The following AMPD3 variants were observed in gnomAD, a reference collection of about 807,000 sequenced individuals.
AMPD3 encodes the protein AMP deaminase 3.
Under a neutral mutation model 82.3 loss-of-function variants are expected in AMPD3, and 57 were observed. The ratio of observed to expected loss-of-function variants is 0.69; its 90% CI spans 0.56 to 0.86. The LOEUF is 0.86. Ranked by LOEUF, AMPD3 falls within the 40% of genes least tolerant of loss-of-function variation. The probability of loss-of-function intolerance (pLI) is 0.00; values close to 1 mark genes in which losing one functional copy is unlikely to be tolerated. For missense variants in AMPD3, 870 were observed against 1,003.8 expected, an observed-to-expected ratio of 0.87 and a Z score of 1.80; for synonymous variants, 381 against 394.7, an observed-to-expected ratio of 0.97 and a Z score of 0.41.
chr11:10,494,805 G>A, intron 7 of AMPD3, 94 bp from the exon 8 acceptor site: 1 of 1,585,310 alleles, frequency 6.3e-7, no homozygotes, highest in Non-Finnish European at 8.6e-7. Context: ...TTTCGGTGTG[G>A]CCATACAGAA....
intron 6 of AMPD3, 91 bp from the exon 7 acceptor site, chr11:10,493,258 G>A: frequency 6.8e-7 from 1 of 1,468,814 alleles, no homozygotes; most frequent in Non-Finnish European, 9.5e-7. Flanking sequence ...ATGAGGTGCT[G>A]GGGTTCTGTG....
intron 6 of AMPD3, chr11:10,490,672 A>T (rs1356496251): frequency 1.0e-6 from 1 of 984,640 alleles, no homozygotes; most frequent in African/African-American, 1.7e-5. Flanking sequence ...TTCCTCATTT[A>T]TCTTGTGACT....
At chr11:10,478,829 C>G in intron 3 of AMPD3, 99 bp downstream of exon 3, 1 of 1,293,938 alleles carries the variant, frequency 7.7e-7, no homozygotes, top group Non-Finnish European at 1.1e-6. Context: ...TGGCCCTGTC[C>G]GTGGATGTCT....
At chr11:10,499,543 A>T (rs1591484740) in intron 10 of AMPD3, 4 of 482,444 alleles carry the variant, frequency 8.3e-6, no homozygotes, top group African/African-American at 2.1e-5. Context: ...CAACTTTCTT[A>T]ATTGCTTTGG....
chr11:10,504,702 C>A, intron 14 of AMPD3, 43 bp downstream of exon 14: 1 of 1,571,808 alleles, frequency 6.4e-7, no homozygotes, highest in Non-Finnish European at 8.8e-7. Flanking sequence ...CCTGGGAAGG[C>A]TGCCTGCTGT....
intron 1 of AMPD3, among the ~76,000 whole-genome samples, chr11:10,458,254 T>A (rs1290651650): frequency 6.6e-5 from 6 of 91,454 alleles, no homozygotes; most frequent in Admixed American, 2.4e-4. Context: ...ACCTCATCTC[T>A]AAAAAAAAAA....
intron 3 of AMPD3, chr11:10,479,920 C>T (rs1848851720): frequency 1.0e-6 from 1 of 985,404 alleles, no homozygotes; most frequent in Non-Finnish European, 1.2e-6. Flanking sequence ...CAGGCCTTGT[C>T]TGGAGATCAG....
intron 8 of AMPD3, 152 bp from the exon 9 acceptor site, chr11:10,495,418 C>T: frequency 6.6e-7 from 1 of 1,520,462 alleles, no homozygotes; most frequent in Non-Finnish European, 8.8e-7. Flanking sequence ...CAAGAGCTTA[C>T]AGGAGCAGGC....
intron 2 of AMPD3, among the ~76,000 whole-genome samples, chr11:10,468,860 A>G (rs1848499138): frequency 1.3e-5 from 2 of 152,234 alleles, no homozygotes; most frequent in South Asian, 4.1e-4. Context: ...ACACAACTAC[A>G]TGGAAACTGA....
At position 10,494,915 on chromosome 11, in the gene AMPD3, A is replaced by C. The variant is rs1849347771; in HGVS notation, c.1151A>C (p.His384Pro). The C allele has an allele frequency of 6.2e-7, 1 of 1,614,154 alleles. No individual in the cohort carries two copies. Among genetic ancestry groups the C allele is most frequent in the Non-Finnish European group, 8.5e-7 (1 of 1,180,002 alleles). Reference sequence around the variant, plus strand: ...CCCCCTCAGGGCCGGCAGACATTCCACCGCTTTGACAAGTTCAACTCCAAA... The same window carrying C: ...CCCCCTCAGGGCCGGCAGACATTCCCCCGCTTTGACAAGTTCAACTCCAAA... The part of the protein sequence containing the change: ...LDVHAGRQTF[H>P]RFDKFNSKYN... The change falls in exon 8 of 15, where the codon CAC becomes CCC. Residue 384 changes from histidine (H) to proline (P), a missense_variant. His to Pro is a moderately conservative substitution (Grantham distance 77). Coordinates refer to ENST00000396553, the MANE Select transcript of AMPD3 (RefSeq NM_001025389.2).
chr11:10,450,870 G>C, upstream of AMPD3: 2 of 1,220,166 alleles, frequency 1.6e-6, no homozygotes, highest in Middle Eastern at 3.2e-4. Context: ...GCAGCGCTGC[G>C]CCCTCTGAAC....
At chr11:10,476,653 A>G (rs1848747762) in intron 2 of AMPD3, among the ~76,000 whole-genome samples, 1 of 152,158 alleles carries the variant, frequency 6.6e-6, no homozygotes, top group African/African-American at 2.4e-5. Flanking sequence ...TGACACAGAA[A>G]CCAGAATCTC....
rs1217965941 is a variant in AMPD3, at chr11:10,502,861, C to T, written c.1983C>T (p.Ser661=). The T allele has an allele frequency of 8.7e-6, 14 of 1,614,074 alleles. No homozygotes were observed. Among genetic ancestry groups the T allele is most frequent in the South Asian group, 1.1e-5 (1 of 91,088 alleles). ...FLHKGLHVSL[S]TDDPMQFHYT... ...ACAAGGGACTGCATGTTTCTCTTTCCACCGATGACCCCATGCAGTTCCACT... is the reference window on the plus strand; with the variant it reads ...ACAAGGGACTGCATGTTTCTCTTTCTACCGATGACCCCATGCAGTTCCACT... Residue 661 remains serine (S), a synonymous_variant, in exon 13 of 15, where the codon TCC becomes TCT. Coordinates refer to ENST00000396553, the MANE Select transcript of AMPD3 (RefSeq NM_001025389.2).
At chr11:10,488,927 C>A (rs1051583092) in intron 6 of AMPD3, among the ~76,000 whole-genome samples, 1 of 152,164 alleles carries the variant, frequency 6.6e-6, no homozygotes, top group Non-Finnish European at 1.5e-5. Context: ...AGATGGAAGA[C>A]CCTACCTGGA....
chr11:10,468,896 G>C (rs1203703576), intron 2 of AMPD3, among the ~76,000 whole-genome samples: 13 of 152,108 alleles, frequency 8.5e-5, no homozygotes, highest in Admixed American at 7.2e-4. Flanking sequence ...ATGACTACTG[G>C]GTAAATAAGG....
At chr11:10,461,047 C>T (rs1465652169) in intron 1 of AMPD3, 19 of 1,152,208 alleles carry the variant, frequency 1.6e-5, no homozygotes, top group Non-Finnish European at 2.1e-5. Context: ...TTTCCCAGGG[C>T]TCTGCTGTAA....
chr11:10,495,504 C>G, intron 8 of AMPD3, 66 bp from the exon 9 acceptor site: 2 of 1,610,346 alleles, frequency 1.2e-6, no homozygotes, highest in East Asian at 2.2e-5. Flanking sequence ...CTGCTGGTGA[C>G]GGAGAGTGAG....
intron 2 of AMPD3, among the ~76,000 whole-genome samples, 181 bp downstream of exon 2, chr11:10,461,921 G>C (rs945945515): frequency 6.6e-6 from 1 of 152,184 alleles, no homozygotes; most frequent in Middle Eastern, 3.4e-3. Flanking sequence ...CGGTGCCTCT[G>C]TTGCACTGAA....
rs142896563 is a variant in AMPD3 at position 10,480,740 on chromosome 11, G to A, written c.427-1323G>A. ...GAAGGTAGGTTATATTATCTTTGGT[G>A]CCTGTCTGTATGTTTAAAATATTAC... On this transcript the variant is annotated intron_variant, in intron 3 of 14. Coordinates refer to ENST00000396553, the MANE Select transcript of AMPD3 (RefSeq NM_001025389.2). Among the ~76,000 whole-genome samples the A allele has an allele frequency of 5.9e-5, 9 of 152,236 alleles. No individual in the cohort carries two copies. In the East Asian group the frequency reaches 1.7e-3, roughly 29 times the overall value.
Sources: gnomAD v4.1 joint callset for allele counts (sites outside exome capture counted in the v4.1 genomes callset) on GRCh38, gnomAD v4.1.1 for gene constraint, MANE v1.5 for transcripts, NCBI Gene and HGNC (gene_info 2026-07-23, HGNC 2026-07-21) for gene names.